RFX7: variants seen among roughly 807,000 people sequenced by gnomAD.
The protein encoded by RFX7 is regulatory factor X7, also known as DNA-binding protein RFX7.
A neutral mutation model predicts 111.8 loss-of-function variants in RFX7; 26 were observed. The ratio of observed to expected loss-of-function variants is 0.23; its 90% confidence interval spans 0.17 to 0.32. The LOEUF (loss-of-function observed/expected upper bound fraction) is 0.32. RFX7 is among the 10% of genes least tolerant of loss of function. The probability of loss-of-function intolerance (pLI) is 1.00; values close to 1 mark genes in which losing one functional copy is unlikely to be tolerated. For synonymous variants in RFX7, 624 were observed against 624.4 expected (o/e 1.00, Z 0.01); for missense variants, 1,573 against 1,772.9 (o/e 0.89, Z 2.02).
At chr15:56,121,002 CCTA>C (rs1306303587) in intron 5 of RFX7, among the ~76,000 whole-genome samples, 1 of 152,072 alleles carries the variant, frequency 6.6e-6, no homozygotes, top group African/African-American at 2.4e-5. Flanking sequence ...TATTAGTCTT[CCTA>C]CTATGAGTAG....
intron 2 of RFX7, among the ~76,000 whole-genome samples, chr15:56,187,250 AC>A (rs1413718968): frequency 1.3e-5 from 2 of 149,400 alleles, no homozygotes; most frequent in African/African-American, 5.0e-5. Flanking sequence ...TTGCTCTGTC[AC>A]CCAGGCTGGA....
At chr15:56,155,062 G>A (rs12900272) in intron 3 of RFX7, among the ~76,000 whole-genome samples, 147,502 of 152,310 alleles carry the variant, frequency 0.97, 71,623 homozygotes, top group East Asian at 1. Context: ...AATGAAAATG[G>A]GAACCACAAT....
At chr15:56,123,265 C>A (rs1275820122) in intron 5 of RFX7, among the ~76,000 whole-genome samples, 1 of 152,106 alleles carries the variant, frequency 6.6e-6, no homozygotes, top group Non-Finnish European at 1.5e-5. Flanking sequence ...CCCAAAGGCT[C>A]TTTAGTCAGC....
chr15:56,134,958 G>A (rs2042277092), intron 5 of RFX7, among the ~76,000 whole-genome samples: 1 of 151,976 alleles, frequency 6.6e-6, no homozygotes, highest in Non-Finnish European at 1.5e-5. Flanking sequence ...CATTTTTTAT[G>A]GCTGCATAGT....
At chr15:56,213,470 C>T (rs2141200630) in intron 2 of RFX7, among the ~76,000 whole-genome samples, 1 of 152,300 alleles carries the variant, frequency 6.6e-6, no homozygotes, top group East Asian at 1.9e-4. Context: ...ACATAACATT[C>T]TTGAAGTGAC....
chr15:56,142,657 T>C (rs1476978594), intron 5 of RFX7, 121 bp downstream of exon 5: 3 of 841,340 alleles, frequency 3.6e-6, no homozygotes, highest in Non-Finnish European at 5.3e-6. Flanking sequence ...TTAAGAGATT[T>C]CTAAGTGTAA....
At chr15:56,205,997 G>A (rs893650496) in intron 2 of RFX7, among the ~76,000 whole-genome samples, 6 of 152,140 alleles carry the variant, frequency 3.9e-5, no homozygotes, top group African/African-American at 1.2e-4. Context: ...TGGTAGGGAT[G>A]GAAAATGGTG....
intron 5 of RFX7, among the ~76,000 whole-genome samples, chr15:56,137,112 G>A (rs1431654295): frequency 2.0e-5 from 3 of 152,204 alleles, no homozygotes; most frequent in African/African-American, 4.8e-5. Context: ...TTTGGTATCA[G>A]AATGATGCTG....
intron 2 of RFX7, among the ~76,000 whole-genome samples, chr15:56,239,946 T>A (rs1231088046): frequency 6.6e-6 from 1 of 150,942 alleles, no homozygotes; most frequent in Non-Finnish European, 1.5e-5. Context: ...ACGAAGACAC[T>A]GAGAGATAAG....
At chr15:56,217,565 G>T (rs1007643258) in intron 2 of RFX7, among the ~76,000 whole-genome samples, 2 of 151,944 alleles carry the variant, frequency 1.3e-5, no homozygotes, top group Non-Finnish European at 1.5e-5. Flanking sequence ...ACACTTTATA[G>T]ACTTTATATA....
intron 2 of RFX7, among the ~76,000 whole-genome samples, chr15:56,211,463 T>C (rs1255409753): frequency 1.3e-5 from 2 of 151,986 alleles, no homozygotes; most frequent in East Asian, 3.9e-4. Flanking sequence ...GAACACAACA[T>C]AGAAGAAAAA....
intron 5 of RFX7, among the ~76,000 whole-genome samples, chr15:56,113,037 C>T (rs1412452060): frequency 6.6e-6 from 1 of 152,184 alleles, no homozygotes; most frequent in African/African-American, 2.4e-5. Flanking sequence ...AATAGGAACA[C>T]TTTTACACTG....
intron 7 of RFX7, among the ~76,000 whole-genome samples, chr15:56,101,849 T>G (rs1472834794): frequency 6.6e-6 from 1 of 152,186 alleles, no homozygotes; most frequent in Non-Finnish European, 1.5e-5. Context: ...ACTATGCCAA[T>G]AGCCACACAT....
intron 5 of RFX7, among the ~76,000 whole-genome samples, chr15:56,138,848 A>C (rs1329855771): frequency 2.7e-4 from 41 of 152,144 alleles, no homozygotes; most frequent in Admixed American, 2.1e-3. Flanking sequence ...TTGTCTGTAA[A>C]GTATTTTATT....
chr15:56,237,359 G>C (rs1050218414), intron 2 of RFX7, among the ~76,000 whole-genome samples: 19 of 152,178 alleles, frequency 1.2e-4, no homozygotes, highest in Non-Finnish European at 2.8e-4. Flanking sequence ...TCAAATGCCA[G>C]TCTCTGGCAT....
At position 56,243,175 on chromosome 15, in the gene RFX7, C is replaced by T; in HGVS notation, c.111G>A (p.Leu37=). ...GVALPALVPG[L]PGTEASALQH... Reference sequence around the variant, plus strand: ...GCAGCGCGCTGGCCTCTGTCCCTGGCAGCCCGGGCACAAGGGCTGGCAGGG... The same window carrying T: ...GCAGCGCGCTGGCCTCTGTCCCTGGTAGCCCGGGCACAAGGGCTGGCAGGG... Residue 37 remains leucine (L), a synonymous_variant, in exon 2 of 10, where the codon CTG becomes CTA. Coordinates refer to ENST00000559447, the MANE Select transcript of RFX7 (RefSeq NM_022841.7). 1 of 1,356,276 alleles carries T rather than the reference C, an allele frequency of 7.4e-7. No homozygotes were observed. Among genetic ancestry groups the T allele is most frequent in the African/African-American group, 1.5e-5 (1 of 67,320 alleles). The allele number at this position is 1,356,276 out of a possible 1,614,324, so 84.0% of individuals were successfully genotyped here. A position where few individuals can be genotyped will look rare whatever the true frequency, so the allele number is the denominator to read the frequency against.
At chr15:56,208,630 T>G (rs1008048979) in intron 2 of RFX7, among the ~76,000 whole-genome samples, 2 of 152,130 alleles carry the variant, frequency 1.3e-5, no homozygotes, top group African/African-American at 2.4e-5. Context: ...AAAATGATTA[T>G]GATTAAGATG....
rs1366319189 is a variant in RFX7 at position 56,093,651 on chromosome 15, C to G, written c.4077G>C (p.Leu1359Phe). 1 of 1,613,674 alleles carries G rather than the reference C, an allele frequency of 6.2e-7. No individual in the cohort carries two copies. The highest frequency in any genetic ancestry group is 8.5e-7 in the Non-Finnish European group (1 of 1,179,830). The part of the protein sequence containing the change: ...TVKDLLSGDS[L>F]QTNQQLVGQG... ...GACCTACCAGCTGCTGGTTGGTTTG[C>G]AAGCTGTCTCCACTCAACAGGTCTT... Residue 1359 changes from leucine to phenylalanine, a missense_variant, in exon 10 of 10, where the codon TTG becomes TTC. Physicochemically the swap from Leu to Phe is conservative, Grantham distance 22. This residue lies in a region of RFX7 where 411 missense variants were observed against 478.1 expected (regional missense o/e 0.86). Transcript: ENST00000559447.
chr15:56,203,860 G>C (rs2141186578), intron 2 of RFX7, among the ~76,000 whole-genome samples: 1 of 152,196 alleles, frequency 6.6e-6, no homozygotes, highest in East Asian at 1.9e-4. Flanking sequence ...GCAGTCCTCA[G>C]GGCGTCTCTG....
Sources: allele counts gnomAD v4.1 joint callset (sites outside exome capture counted in the v4.1 genomes callset), GRCh38; gene constraint gnomAD v4.1.1; regional missense constraint gnomAD v4.1.1; transcripts MANE v1.5; gene names NCBI Gene and HGNC (gene_info 2026-07-23, HGNC 2026-07-21).